The following QSOX2 variants were observed in gnomAD, a reference collection of about 807,000 sequenced individuals.
QSOX2 encodes the protein quiescin sulfhydryl oxidase 2, also known as sulfhydryl oxidase 2.
In QSOX2, 46 loss-of-function variants were observed where a neutral mutation model predicts 61.7. The observed-to-expected ratio is 0.75, with a 90% CI of 0.59 to 0.95. QSOX2 has a LOEUF of 0.95. Among genes scored for constraint, QSOX2 ranks in the 40% least tolerant of loss-of-function variants. QSOX2 has a pLI of 0.00. For missense variants in QSOX2, 879 were observed against 918.9 expected, an observed-to-expected ratio of 0.96 and a Z score of 0.56; for synonymous variants, 383 against 388.4, an observed-to-expected ratio of 0.99 and a Z score of 0.16.
intron 9 of QSOX2, 104 bp from the exon 10 acceptor site, chr9:136,215,408 G>T: frequency 1.3e-4 from 94 of 720,684 alleles, no homozygotes; most frequent in South Asian, 5.0e-4. Context: ...GGATAATGGG[G>T]GTGTGGTTTA....
At chr9:136,227,612 A>C (rs1009777070) in intron 1 of QSOX2, among the ~76,000 whole-genome samples, 1 of 152,218 alleles carries the variant, frequency 6.6e-6, no homozygotes, top group African/African-American at 2.4e-5. Context: ...ACCCACTTTC[A>C]GAACTGTCCC....
Position 136,245,490 on chromosome 9 carries a change from G to C in QSOX2, c.314C>G (p.Ala105Gly), listed in dbSNP as rs782394109. 3 of 1,592,058 alleles carry C rather than the reference G, an allele frequency of 1.9e-6. No individual in the cohort carries two copies. The highest frequency in any genetic ancestry group is 3.4e-5 in the Admixed American group (2 of 59,580). Reference sequence around the variant, plus strand: ...GCGCGCCTCACCTCGCACATCCCCAGCCAGGGCCCGCCAAGTGGGCGCGTA... The same window carrying C: ...GCGCGCCTCACCTCGCACATCCCCACCCAGGGCCCGCCAAGTGGGCGCGTA... ...IGYAPTWRAL[A>G]GDVRDWASAI... Residue 105 changes from alanine (A) to glycine (G), a missense_variant, in exon 1 of 12, where the codon GCT becomes GGT. By Grantham distance (60) the Ala-to-Gly change is moderately conservative. Coordinates refer to ENST00000358701, the MANE Select transcript of QSOX2 (RefSeq NM_181701.4).
At chr9:136,226,341 G>T (rs1830280473) in intron 2 of QSOX2, among the ~76,000 whole-genome samples, 1 of 152,224 alleles carries the variant, frequency 6.6e-6, no homozygotes, top group Non-Finnish European at 1.5e-5. Flanking sequence ...TTTGGCTGGG[G>T]AAGGCAGAGG....
chr9:136,240,991 C>T (rs1225002209), intron 1 of QSOX2, among the ~76,000 whole-genome samples: 4 of 152,232 alleles, frequency 2.6e-5, no homozygotes, highest in East Asian at 1.9e-4. Context: ...ACAGCGGAGA[C>T]GGCTCCCTGG....
chr9:136,235,038 T>C lies in QSOX2; in HGVS notation c.329-8164A>G, dbSNP rs141901515. Among the ~76,000 whole-genome samples the C allele has an allele frequency of 5.8e-3, 879 of 152,348 alleles. 8 individuals carry two copies. The highest frequency in any genetic ancestry group is 0.02 in the African/African-American group (834 of 41,596). The stretch of plus-strand genomic sequence containing the variant: ...AACTGGTTCCCCCGCCCATGGCCCA[T>C]GCTCAGCAGACCCTCCTTGCAGGTG... On this transcript the variant is annotated intron_variant, in intron 1 of 11. Transcript: ENST00000358701.
rs1479844314 is a variant in QSOX2 at position 136,206,656 on chromosome 9, C to T, written c.*2072G>A. 1.3e-5 allele frequency: 2 copies of T among 151,890 alleles called. No homozygotes were observed. Among genetic ancestry groups the T allele is most frequent in the Non-Finnish European group, 2.9e-5 (2 of 67,798 alleles). The allele number at this position is 151,890 out of a possible 1,614,324, so 9.4% of individuals were successfully genotyped here. On this transcript the variant is annotated 3_prime_UTR_variant, in exon 12 of 12. Coordinates refer to ENST00000358701, the MANE Select transcript of QSOX2 (RefSeq NM_181701.4). ...ATGACTCCTGGGGCCACCTCCACGA[C>T]GGCCCAGCCCCACCGACGCTCTGCT...
chr9:136,224,801 G>T, intron 3 of QSOX2, 60 bp downstream of exon 3: 1 of 1,241,490 alleles, frequency 8.1e-7, no homozygotes, highest in Non-Finnish European at 1.2e-6. Context: ...GGGACCGTGT[G>T]TCTTTAGCAG....
intron 9 of QSOX2, 84 bp from the exon 10 acceptor site, chr9:136,215,388 T>G (rs1036857581): frequency 1.8e-5 from 12 of 684,840 alleles, no homozygotes; most frequent in South Asian, 1.1e-4. Flanking sequence ...CCTTCTTGAC[T>G]GGGGGGGGTG....
intron 1 of QSOX2, among the ~76,000 whole-genome samples, chr9:136,236,479 T>C (rs945399994): frequency 8.5e-5 from 13 of 152,318 alleles, no homozygotes; most frequent in African/African-American, 3.1e-4. Context: ...TTTTGGCCAA[T>C]CTGAGGCTTT....
intron 11 of QSOX2, chr9:136,210,371 T>C (rs1831830259): frequency 1.0e-6 from 1 of 985,222 alleles, no homozygotes; most frequent in Admixed American, 6.2e-5. Flanking sequence ...ACTGGGGTAG[T>C]GGGGGCACAT....
At position 136,211,307 on chromosome 9, in the gene QSOX2, G is replaced by A. The variant is rs369245620; in HGVS notation, c.1506C>T (p.Leu502=). ...CCATATTATGCTTCTTCCACAGCCA[G>A]AGGATGGCTTGGTCTGGGGTTTTCA... ...DSVKTPDQAI[L]WLWKKHNMVN... The change falls in exon 11 of 12, where the codon CTC becomes CTT. Residue 502 remains leucine (L), a synonymous_variant. Coordinates refer to ENST00000358701, the MANE Select transcript of QSOX2 (RefSeq NM_181701.4). 8.1e-6 allele frequency: 13 copies of A among 1,614,236 alleles called. No individual in the cohort carries two copies. The highest frequency in any genetic ancestry group is 1.1e-5 in the Non-Finnish European group (13 of 1,180,044).
intron 8 of QSOX2, among the ~76,000 whole-genome samples, chr9:136,217,391 G>C (rs1831927300): frequency 6.6e-6 from 1 of 152,226 alleles, no homozygotes; most frequent in South Asian, 2.1e-4. Flanking sequence ...GGCAATGCCA[G>C]ACCAGAAACA....
intron 1 of QSOX2, among the ~76,000 whole-genome samples, chr9:136,241,004 G>A (rs1053871481): frequency 2.6e-5 from 4 of 152,086 alleles, no homozygotes; most frequent in Admixed American, 6.5e-5. Context: ...CTCCCTGGAC[G>A]TGGCTGTAAG....
At chr9:136,235,019 T>C (rs1216473392) in intron 1 of QSOX2, among the ~76,000 whole-genome samples, 2 of 152,266 alleles carry the variant, frequency 1.3e-5, no homozygotes, top group African/African-American at 4.8e-5. Flanking sequence ...GTTCAACTGG[T>C]TCCCCCGCCC....
At chr9:136,210,833 A>AT (rs201791390) in intron 11 of QSOX2, 489 of 975,176 alleles carry the variant, frequency 5.0e-4, no homozygotes, top group Middle Eastern at 2.1e-3. Flanking sequence ...CTATTTAATT[A>AT]TTTTTTTTTA....
intron 1 of QSOX2, among the ~76,000 whole-genome samples, chr9:136,231,735 C>G (rs1012006367): frequency 6.6e-6 from 1 of 152,248 alleles, no homozygotes; most frequent in Non-Finnish European, 1.5e-5. Context: ...TTGGAAGCAC[C>G]CGGACCCACC....
Position 136,236,306 on chromosome 9 carries a change from G to A in QSOX2, c.328+9170C>T, listed in dbSNP as rs148421404. Among the ~76,000 whole-genome samples, 82 of 152,318 alleles carry A rather than the reference G, an allele frequency of 5.4e-4. No individual in the cohort carries two copies. The East Asian group carries it at 6.0e-3, about 11-fold the overall frequency. On this transcript the variant is annotated intron_variant, in intron 1 of 11. Transcript: ENST00000358701. ...TGTGCCGGCCCCTGGGGAGACGCAC[G>A]GTGTGCGGAGATGGGGCAGATGCTA...
intron 1 of QSOX2, among the ~76,000 whole-genome samples, chr9:136,241,138 A>T (rs1830430410): frequency 6.6e-6 from 1 of 152,150 alleles, no homozygotes; most frequent in Non-Finnish European, 1.5e-5. Context: ...GGCTGCTCCG[A>T]TGCACCATCC....
intron 2 of QSOX2, among the ~76,000 whole-genome samples, chr9:136,226,255 C>T (rs753710244): frequency 3.9e-5 from 6 of 152,210 alleles, no homozygotes; most frequent in Admixed American, 2.0e-4. Flanking sequence ...ATGCTATGCA[C>T]GGGCCTGCAA....
Sources: allele counts gnomAD v4.1 joint callset (sites outside exome capture counted in the v4.1 genomes callset), GRCh38; gene constraint gnomAD v4.1.1; transcripts MANE v1.5; gene names NCBI Gene and HGNC (gene_info 2026-07-23, HGNC 2026-07-21).